Variants in OIT3 observed in about 807,000 individuals in gnomAD.
The protein encoded by OIT3 is oncoprotein-induced transcript 3 protein.
OIT3 carries 41 observed loss-of-function variants against 52.2 expected under a neutral mutation model. The ratio of observed to expected loss-of-function variants is 0.79; its 90% confidence interval spans 0.61 to 1.02. OIT3 has a LOEUF of 1.02. Ranked by LOEUF, OIT3 falls within the 50% of genes least tolerant of loss-of-function variation. The pLI is 0.00. For missense variants in OIT3, 634 were observed against 715.5 expected (o/e 0.89, Z 1.30); for synonymous variants, 244 against 276.9 (o/e 0.88, Z 1.18).
intron 1 of OIT3, 135 bp from the exon 2 acceptor site, chr10:72,898,529 A>AT: frequency 1.2e-6 from 1 of 801,540 alleles, no homozygotes; most frequent in Non-Finnish European, 2.0e-6. Context: ...TTAAACAGCT[A>AT]TTTTTTGTGA....
chr10:72,919,901 G>A (rs1322024135), intron 6 of OIT3, among the ~76,000 whole-genome samples: 1 of 152,116 alleles, frequency 6.6e-6, no homozygotes, highest in Non-Finnish European at 1.5e-5. Flanking sequence ...ATATTGGCCT[G>A]AGGTTTCCTT....
chr10:72,913,496 G>A, intron 6 of OIT3, 28 bp downstream of exon 6: 1 of 1,582,138 alleles, frequency 6.3e-7, no homozygotes, highest in South Asian at 1.1e-5. Flanking sequence ...GGCACTTGGG[G>A]AATGACCAAA....
rs1484133662 is a variant in OIT3 at position 72,899,028 on chromosome 10, C to G, written c.426C>G (p.Val142=). ...CCAAGCCCAGCGTCTGCTTCCACGT[C>G]TACTGTGGTCGTGAGTACCTTCCCT... ...RLTKPSVCFH[V]YCGHFYDICD... Residue 142 remains valine (V), a synonymous_variant, in exon 2 of 9, where the codon GTC becomes GTG. Coordinates refer to ENST00000334011, the MANE Select transcript of OIT3 (RefSeq NM_152635.3). 1.9e-6 allele frequency: 3 copies of G among 1,606,152 alleles called. No individual in the cohort carries two copies. Among genetic ancestry groups the G allele is most frequent in the Non-Finnish European group, 2.6e-6 (3 of 1,174,626 alleles).
At chr10:72,918,086 C>G in intron 6 of OIT3, 1 of 1,273,598 alleles carries the variant, frequency 7.9e-7, no homozygotes, top group South Asian at 1.2e-5. Flanking sequence ...TCTGTGGAAC[C>G]TTGCTACCAC....
intron 6 of OIT3, chr10:72,918,190 AG>A: frequency 9.5e-7 from 1 of 1,058,144 alleles, no homozygotes; most frequent in South Asian, 1.2e-5. Context: ...ACAGCTACTA[AG>A]TGCTGTCCAC....
intron 3 of OIT3, among the ~76,000 whole-genome samples, chr10:72,903,884 A>T (rs978623490): frequency 6.8e-6 from 1 of 147,944 alleles, no homozygotes; most frequent in Non-Finnish European, 1.5e-5. Context: ...CTCTCATATT[A>T]AAAAAAAAAT....
chr10:72,930,923 C>CAGTT (rs1219023420), intron 8 of OIT3, among the ~76,000 whole-genome samples: 1 of 151,970 alleles, frequency 6.6e-6, no homozygotes, highest in East Asian at 1.9e-4. Context: ...TCTTTGTGGG[C>CAGTT]AGTTATGGTT....
intron 6 of OIT3, among the ~76,000 whole-genome samples, chr10:72,914,791 T>C (rs1846059685): frequency 6.6e-6 from 1 of 152,232 alleles, no homozygotes; most frequent in African/African-American, 2.4e-5. Context: ...AATTCGCTGA[T>C]TCTGCATAGA....
chr10:72,917,526 C>T, intron 6 of OIT3: 1 of 596,284 alleles, frequency 1.7e-6, no homozygotes, highest in Non-Finnish European at 3.1e-6. Flanking sequence ...ATTTATCAAA[C>T]ATGGTAGGGA....
chr10:72,908,166 C>A (rs970877092), intron 4 of OIT3, among the ~76,000 whole-genome samples: 2 of 152,110 alleles, frequency 1.3e-5, no homozygotes, highest in Non-Finnish European at 1.5e-5. Context: ...TCACTTGAAC[C>A]TGGGAGGTGG....
chr10:72,909,400 G>T (rs1477460747), intron 4 of OIT3, among the ~76,000 whole-genome samples: 1 of 151,848 alleles, frequency 6.6e-6, no homozygotes, highest in African/African-American at 2.4e-5. Context: ...GGTTACAGGT[G>T]TGAGCCACTG....
chr10:72,894,526 T>C (rs1845856633), intron 1 of OIT3, among the ~76,000 whole-genome samples: 1 of 152,196 alleles, frequency 6.6e-6, no homozygotes, highest in African/African-American at 2.4e-5. Flanking sequence ...GCTCAGTATC[T>C]AATTGACCCT....
intron 3 of OIT3, among the ~76,000 whole-genome samples, chr10:72,902,038 C>T (rs1446560934): frequency 6.6e-6 from 1 of 152,042 alleles, no homozygotes; most frequent in Non-Finnish European, 1.5e-5. Context: ...GACCCTGTCT[C>T]TGAAAAACAA....
chr10:72,923,214 G>A (rs1344857748), intron 6 of OIT3, among the ~76,000 whole-genome samples: 3 of 152,144 alleles, frequency 2.0e-5, no homozygotes, highest in Admixed American at 6.6e-5. Context: ...CCACTTTTCT[G>A]TAGGGCTGCT....
chr10:72,919,355 T>A (rs987884003), intron 6 of OIT3, among the ~76,000 whole-genome samples: 1 of 152,146 alleles, frequency 6.6e-6, no homozygotes, highest in Non-Finnish European at 1.5e-5. Context: ...TGGGCTGAGA[T>A]GATAGGGTTT....
rs1309277690 is a variant in OIT3 at position 72,921,884 on chromosome 10, C to T, written c.952-2345C>T. On this transcript the variant is annotated intron_variant, in intron 6 of 8. Transcript: ENST00000334011. ...ACGGGGTTTCATCATGTTGGCCAGG[C>T]TGGTCTCGAACTCCTGACCTCAAGT... 2.0e-5 allele frequency among the ~76,000 whole-genome samples: 3 copies of T among 152,024 alleles called. No individual in the cohort carries two copies. The South Asian group carries it at 6.2e-4, about 32-fold the overall frequency.
chr10:72,919,645 T>G (rs191282063), intron 6 of OIT3, among the ~76,000 whole-genome samples: 43 of 152,274 alleles, frequency 2.8e-4, no homozygotes, highest in Non-Finnish European at 3.4e-4. Context: ...TTATTGAGCG[T>G]TTTTAACATG....
rs1589520815 is a variant in OIT3 at position 72,900,238 on chromosome 10, C to A, written c.437-139C>A. On this transcript the variant is annotated intron_variant, in intron 2 of 8. Coordinates refer to ENST00000334011, the MANE Select transcript of OIT3 (RefSeq NM_152635.3). ...TTGGGAGGCCAAGGTGAGAGGATTG[C>A]TTGAGCCCAGGGGTTCGAGGCCAGC... is the stretch of plus-strand genomic sequence containing the variant. The A allele has an allele frequency of 1.2e-5, 7 of 597,372 alleles. No individual in the cohort carries two copies. The East Asian group carries it at 2.0e-4, about 17-fold the overall frequency. 37.0% of individuals were successfully genotyped at this position (597,372 alleles called of 1,614,324 possible).
At chr10:72,932,008 AG>A (rs1846220888) in intron 8 of OIT3, among the ~76,000 whole-genome samples, 1 of 152,230 alleles carries the variant, frequency 6.6e-6, no homozygotes, top group Non-Finnish European at 1.5e-5. Context: ...TGCTATCCCC[AG>A]ACCTTGGTGT....
Sources: allele counts gnomAD v4.1 joint callset (sites outside exome capture counted in the v4.1 genomes callset), GRCh38; gene constraint gnomAD v4.1.1; transcripts MANE v1.5; gene names NCBI Gene and HGNC (gene_info 2026-07-23, HGNC 2026-07-21).